Variants in L3MBTL4 observed in about 807,000 individuals in gnomAD.
L3MBTL4 encodes the protein L3MBTL histone methyl-lysine binding protein 4, also known as lethal(3)malignant brain tumor-like protein 4.
In L3MBTL4, 70 loss-of-function variants were observed where a neutral mutation model predicts 84.5. The observed-to-expected ratio is 0.83, with a 90% CI of 0.68 to 1.01. The LOEUF is 1.01. Ranked by LOEUF, L3MBTL4 falls within the 50% of genes least tolerant of loss-of-function variation. The pLI, the probability that L3MBTL4 is intolerant of heterozygous loss-of-function variation, is 0.00. For synonymous variants in L3MBTL4, 274 were observed against 259.8 expected, an observed-to-expected ratio of 1.05 and a Z score of -0.52; for missense variants, 715 against 754.8, an observed-to-expected ratio of 0.95 and a Z score of 0.62.
intron 12 of L3MBTL4, among the ~76,000 whole-genome samples, chr18:6,208,743 G>T (rs2045975281): frequency 6.6e-6 from 1 of 152,110 alleles, no homozygotes; most frequent in Non-Finnish European, 1.5e-5. Flanking sequence ...CCAAACAAAA[G>T]AATAATTATT....
At chr18:6,071,757 GA>G (rs1278750725) in intron 16 of L3MBTL4, among the ~76,000 whole-genome samples, 40 of 52,812 alleles carry the variant, frequency 7.6e-4, no homozygotes, top group African/African-American at 1.7e-3. Flanking sequence ...AAGAAAGAAA[GA>G]AAAAAAGAAA....
Position 6,036,239 on chromosome 18 carries a change from C to T in L3MBTL4, c.1444+44642G>A, listed in dbSNP as rs375038925. Among the ~76,000 whole-genome samples the T allele has an allele frequency of 1.1e-4, 17 of 152,270 alleles. No individual in the cohort carries two copies. The East Asian group carries it at 3.3e-3, about 29-fold the overall frequency. On this transcript the variant is annotated intron_variant, in intron 16 of 18. Transcript: ENST00000317931. Reference sequence around the variant, plus strand: ...GTCTTCTACTAATTTTGGAAATTCTCAGCAATTATTTCTTTAAACATTCTC... The same window carrying T: ...GTCTTCTACTAATTTTGGAAATTCTTAGCAATTATTTCTTTAAACATTCTC...
At chr18:6,215,194 A>T (rs1278952785) in intron 11 of L3MBTL4, among the ~76,000 whole-genome samples, 1 of 152,238 alleles carries the variant, frequency 6.6e-6, no homozygotes, top group Non-Finnish European at 1.5e-5. Context: ...TAGGTTTAGG[A>T]TATAAATATC....
chr18:5,983,247 T>C (rs2053317858), intron 16 of L3MBTL4, among the ~76,000 whole-genome samples: 1 of 152,148 alleles, frequency 6.6e-6, no homozygotes, highest in Non-Finnish European at 1.5e-5. Context: ...ATAACTGCAT[T>C]TGGAATCCGT....
At chr18:6,399,194 C>T (rs188989013) in intron 1 of L3MBTL4, among the ~76,000 whole-genome samples, 15 of 152,244 alleles carry the variant, frequency 9.9e-5, no homozygotes, top group African/African-American at 3.1e-4. Flanking sequence ...AATCCCAGCA[C>T]GTTGGAAGGC....
Position 6,375,029 on chromosome 18 carries a change from G to A in L3MBTL4, c.-91+39772C>T, listed in dbSNP as rs2054309642. 2.0e-5 allele frequency among the ~76,000 whole-genome samples: 3 copies of A among 151,996 alleles called. No individual in the cohort carries two copies. In the South Asian group the frequency reaches 6.2e-4, roughly 32 times the overall value. On this transcript the variant is annotated intron_variant, in intron 1 of 18. Transcript: ENST00000317931. ...TAGGTTTCCAAAAAGCTTCTGCTTTGGTGCATTGGGAAACTCGGGCTGCTC... is the reference window on the plus strand; with the variant it reads ...TAGGTTTCCAAAAAGCTTCTGCTTTAGTGCATTGGGAAACTCGGGCTGCTC...
At chr18:6,018,200 G>T (rs984825297) in intron 16 of L3MBTL4, among the ~76,000 whole-genome samples, 1 of 152,168 alleles carries the variant, frequency 6.6e-6, no homozygotes, top group African/African-American at 2.4e-5. Context: ...AGTGCAGCAG[G>T]AGAGGAAGCT....
intron 1 of L3MBTL4, chr18:6,397,020 T>TA (rs1214527466): frequency 1.3e-5 from 2 of 152,138 alleles, no homozygotes; most frequent in Non-Finnish European, 2.9e-5. Flanking sequence ...TCTGAGAAAC[T>TA]AAGCAAAAAA....
At chr18:6,115,914 C>T (rs1171029658) in intron 14 of L3MBTL4, among the ~76,000 whole-genome samples, 1 of 152,106 alleles carries the variant, frequency 6.6e-6, no homozygotes, top group Admixed American at 6.5e-5. Flanking sequence ...GTTTGCTCGG[C>T]GCAGTCCTTG....
intron 16 of L3MBTL4, chr18:6,030,894 A>C (rs1428074464): frequency 2.0e-6 from 2 of 985,098 alleles, no homozygotes; most frequent in East Asian, 2.3e-4. Flanking sequence ...AGGCAGCCAA[A>C]TTACACCCAG....
intron 1 of L3MBTL4, among the ~76,000 whole-genome samples, chr18:6,383,660 A>G (rs967796548): frequency 2.0e-5 from 3 of 152,072 alleles, no homozygotes; most frequent in Non-Finnish European, 2.9e-5. Context: ...ACCAATCCCA[A>G]TGAGATGAAC....
chr18:6,206,055 C>G (rs1156515765), intron 12 of L3MBTL4, among the ~76,000 whole-genome samples: 1 of 152,198 alleles, frequency 6.6e-6, no homozygotes, highest in Non-Finnish European at 1.5e-5. Flanking sequence ...TTCATTATCA[C>G]AGCAGGTCAG....
At chr18:6,349,740 A>G (rs1475974910) in intron 1 of L3MBTL4, among the ~76,000 whole-genome samples, 2 of 152,106 alleles carry the variant, frequency 1.3e-5, no homozygotes, top group African/African-American at 4.8e-5. Context: ...AAAAAAGAAT[A>G]CACACTGATT....
intron 14 of L3MBTL4, among the ~76,000 whole-genome samples, chr18:6,128,089 G>T (rs2059761795): frequency 6.6e-6 from 1 of 150,596 alleles, no homozygotes; most frequent in Admixed American, 6.6e-5. Flanking sequence ...AACATTATCA[G>T]AGAGGTAAGA....
chr18:6,118,913 A>T (rs1474933021), intron 14 of L3MBTL4, among the ~76,000 whole-genome samples: 1 of 151,950 alleles, frequency 6.6e-6, no homozygotes. Flanking sequence ...ATTTGGCCCA[A>T]ATGTTCACAT....
intron 16 of L3MBTL4, among the ~76,000 whole-genome samples, chr18:6,050,672 T>C (rs1470774903): frequency 6.6e-6 from 1 of 151,014 alleles, no homozygotes; most frequent in Non-Finnish European, 1.5e-5. Flanking sequence ...CATGGGCTGC[T>C]GCTGTGAAGT....
chr18:6,115,879 C>A (rs1184703146), intron 14 of L3MBTL4, among the ~76,000 whole-genome samples: 1 of 152,132 alleles, frequency 6.6e-6, no homozygotes, highest in South Asian at 2.1e-4. Context: ...ATACAGATGC[C>A]CTGGGAGGTG....
intron 10 of L3MBTL4, among the ~76,000 whole-genome samples, chr18:6,222,467 C>G (rs1454092946): frequency 6.6e-6 from 1 of 151,784 alleles, no homozygotes; most frequent in Non-Finnish European, 1.5e-5. Flanking sequence ...ACTGGCTGAG[C>G]GCCCAGCAGA....
intron 14 of L3MBTL4, among the ~76,000 whole-genome samples, chr18:6,119,919 G>A (rs1250584702): frequency 2.0e-5 from 3 of 152,204 alleles, no homozygotes; most frequent in Non-Finnish European, 4.4e-5. Context: ...CACCAACTGG[G>A]TAATTGTCTC....
Sources: allele counts gnomAD v4.1 joint callset (sites outside exome capture counted in the v4.1 genomes callset), GRCh38; gene constraint gnomAD v4.1.1; transcripts MANE v1.5; gene names NCBI Gene and HGNC (gene_info 2026-07-23, HGNC 2026-07-21).